TECRL: variants seen among roughly 807,000 people sequenced by gnomAD.
TECRL encodes trans-2,3-enoyl-CoA reductase-like.
In TECRL, 63 loss-of-function variants were observed where a neutral mutation model predicts 52.8. That is an observed-to-expected ratio of 1.19 (90% CI 0.97 to 1.47). The LOEUF is 1.47. TECRL is among the 40% of genes most tolerant of loss of function. The pLI, the probability that TECRL is intolerant of heterozygous loss-of-function variation, is 0.00. For synonymous variants in TECRL, 164 were observed against 141.9 expected, an observed-to-expected ratio of 1.16 and a Z score of -1.10; for missense variants, 482 against 429.6, an observed-to-expected ratio of 1.12 and a Z score of -1.08.
At chr4:64,372,761 T>A (rs1722065602) in intron 2 of TECRL, among the ~76,000 whole-genome samples, 1 of 151,616 alleles carries the variant, frequency 6.6e-6, no homozygotes, top group Non-Finnish European at 1.5e-5. Flanking sequence ...ATTTTTTTTT[T>A]CTTCCCAAGA....
intron 9 of TECRL, among the ~76,000 whole-genome samples, chr4:64,287,932 A>G (rs1249789866): frequency 3.9e-5 from 6 of 152,116 alleles, no homozygotes; most frequent in Non-Finnish European, 8.8e-5. Context: ...AGATCACCTG[A>G]GGTCAGGAGT....
intron 4 of TECRL, among the ~76,000 whole-genome samples, chr4:64,316,626 TAAAAC>T (rs1717510870): frequency 6.6e-6 from 1 of 151,860 alleles, no homozygotes; most frequent in Non-Finnish European, 1.5e-5. Flanking sequence ...TAAAGGGAAA[TAAAAC>T]AAAATCAAAA....
intron 5 of TECRL, among the ~76,000 whole-genome samples, chr4:64,314,207 G>T (rs1005045372): frequency 1.3e-5 from 2 of 151,596 alleles, no homozygotes; most frequent in African/African-American, 4.8e-5. Context: ...AAAGTAACTT[G>T]TAAACTTTTT....
intron 2 of TECRL, among the ~76,000 whole-genome samples, chr4:64,354,020 C>T (rs533219315): frequency 2.6e-5 from 4 of 152,156 alleles, no homozygotes; most frequent in East Asian, 1.9e-4. Flanking sequence ...TGGTATGCCA[C>T]GTCAAATGCA....
At chr4:64,302,935 T>C (rs1235700997) in intron 7 of TECRL, among the ~76,000 whole-genome samples, 1 of 151,320 alleles carries the variant, frequency 6.6e-6, no homozygotes, top group Non-Finnish European at 1.5e-5. Flanking sequence ...GTTAAAATAA[T>C]TTAGGAAGTG....
intron 1 of TECRL, among the ~76,000 whole-genome samples, chr4:64,400,129 A>G (rs534632571): frequency 6.6e-6 from 1 of 152,344 alleles, no homozygotes; most frequent in East Asian, 1.9e-4. Context: ...AGACCTTGGG[A>G]GCTCACTTTA....
chr4:64,364,436 G>A (rs886402656), intron 2 of TECRL, among the ~76,000 whole-genome samples: 1 of 151,882 alleles, frequency 6.6e-6, no homozygotes, highest in African/African-American at 2.4e-5. Flanking sequence ...AAATTGATAT[G>A]TTAAAAACCA....
At position 64,375,087 on chromosome 4, in the gene TECRL, A is replaced by T. The variant is rs6551827; in HGVS notation, c.286+85T>A. The T allele has an allele frequency of 0.94, 571,649 of 609,010 alleles. 269,548 individuals carry two copies. Among genetic ancestry groups the T allele is most frequent in the East Asian group, 1 (28,087 of 28,098 alleles). The allele number at this position is 609,010 out of a possible 1,614,324, so 37.7% of individuals were successfully genotyped here. A position where few individuals can be genotyped will look rare whatever the true frequency, so the allele number is the denominator to read the frequency against. ...AGAACTATGGTTTTCATACACTCTA[A>T]CATATATTGCACTTATAGAAAAATT... is the stretch of plus-strand genomic sequence containing the variant. On this transcript the variant is annotated intron_variant, in intron 2 of 11. Coordinates refer to ENST00000381210, the MANE Select transcript of TECRL (RefSeq NM_001010874.5).
At chr4:64,377,569 C>T (rs1053629709) in intron 1 of TECRL, among the ~76,000 whole-genome samples, 2 of 152,008 alleles carry the variant, frequency 1.3e-5, no homozygotes, top group Non-Finnish European at 2.9e-5. Flanking sequence ...ATATTCCCTT[C>T]ATTAATGTTT....
chr4:64,359,361 G>A (rs907534072), intron 2 of TECRL, among the ~76,000 whole-genome samples: 7 of 151,734 alleles, frequency 4.6e-5, no homozygotes, highest in Admixed American at 3.9e-4. Flanking sequence ...TCTATCTCCC[G>A]TTGAATTGTA....
chr4:64,359,600 A>T (rs1443263144), intron 2 of TECRL, among the ~76,000 whole-genome samples: 2 of 152,026 alleles, frequency 1.3e-5, no homozygotes, highest in Non-Finnish European at 2.9e-5. Flanking sequence ...ATTGCACAGC[A>T]GTACATAGTT....
At chr4:64,323,687 T>C (rs1345727982) in intron 3 of TECRL, among the ~76,000 whole-genome samples, 3 of 152,188 alleles carry the variant, frequency 2.0e-5, no homozygotes, top group African/African-American at 4.8e-5. Context: ...AATGTTAAAA[T>C]GTATCAGTTG....
Position 64,375,173 on chromosome 4 carries a change from T to C in TECRL, c.285A>G (p.Ala95=). The C allele has an allele frequency of 7.3e-7, 1 of 1,369,726 alleles. No individual in the cohort carries two copies. Among genetic ancestry groups the C allele is most frequent in the Non-Finnish European group, 9.7e-7 (1 of 1,031,714 alleles). 84.8% of individuals were successfully genotyped at this position (1,369,726 alleles called of 1,614,324 possible). A position where few individuals can be genotyped will look rare whatever the true frequency, so the allele number is the denominator to read the frequency against. ...IHDVKQKFHK[A]CPKWYPSRVG... ...TTCTAAATAATATATAAAACTTACA[T>C]GCTTTGTGAAACTTTTGCTTAACAT... is the stretch of plus-strand genomic sequence containing the variant. The change falls in exon 2 of 12, where the codon GCA becomes GCG. Residue 95 remains alanine, a splice_region_variant and synonymous_variant. Transcript: ENST00000381210.
At chr4:64,358,095 G>GA in intron 2 of TECRL, among the ~76,000 whole-genome samples, 1 of 27,652 alleles carries the variant, frequency 3.6e-5, no homozygotes, top group Non-Finnish European at 1.4e-4. Context: ...CAGTATTATT[G>GA]AAAAAACGAA....
intron 11 of TECRL, among the ~76,000 whole-genome samples, chr4:64,280,584 A>G: frequency 6.6e-6 from 1 of 152,172 alleles, no homozygotes; most frequent in East Asian, 1.9e-4. Context: ...AATATAACAA[A>G]ATGGATAAAA....
At chr4:64,339,381 T>C (rs1165954218) in intron 2 of TECRL, among the ~76,000 whole-genome samples, 1 of 151,866 alleles carries the variant, frequency 6.6e-6, no homozygotes, top group South Asian at 2.1e-4. Flanking sequence ...ACATGGCACA[T>C]GTATACATAT....
chr4:64,328,542 G>C lies in TECRL; in HGVS notation c.301C>G (p.Pro101Ala). The C allele has an allele frequency of 6.2e-7, 1 of 1,610,968 alleles. No homozygotes were observed. Among genetic ancestry groups the C allele is most frequent in the Non-Finnish European group, 8.5e-7 (1 of 1,178,012 alleles). ...KFHKACPKWY[P>A]SRVGLQLECG... is the part of the protein sequence containing the mutation. ...TCTAGCTGCAGACCAACTCGAGAAG[G>C]GTACCACTTTGGACCTATTCAATGA... The change falls in exon 3 of 12, where the codon CCT becomes GCT. Residue 101 changes from proline (P) to alanine (A), a missense_variant. Transcript: ENST00000381210.
At position 64,286,534 on chromosome 4, in the gene TECRL, T is replaced by TA. The variant is rs151059555; in HGVS notation, c.832+3175dup. 2.5e-3 allele frequency among the ~76,000 whole-genome samples: 368 copies of TA among 145,426 alleles called. 1 individual carries two copies. Among genetic ancestry groups the TA allele is most frequent in the African/African-American group, 3.0e-3 (119 of 39,934 alleles). On this transcript the variant is annotated intron_variant, in intron 9 of 11. Coordinates refer to ENST00000381210, the MANE Select transcript of TECRL (RefSeq NM_001010874.5). ...TAATTTGAGGAAATTTTTTAGAACG[T>TA]AAAAAAAAAAAACATGGATTAACCT...
intron 9 of TECRL, among the ~76,000 whole-genome samples, chr4:64,289,333 A>G (rs930484115): frequency 1.3e-5 from 2 of 152,238 alleles, no homozygotes; most frequent in African/African-American, 4.8e-5. Flanking sequence ...GTAATTTGAA[A>G]TAGTAGGACT....
Sources: gnomAD v4.1 joint callset for allele counts (sites outside exome capture counted in the v4.1 genomes callset) on GRCh38, gnomAD v4.1.1 for gene constraint, MANE v1.5 for transcripts, NCBI Gene and HGNC (gene_info 2026-07-23, HGNC 2026-07-21) for gene names.